Variants in ZNF385D observed in about 807,000 individuals in gnomAD.
The protein encoded by ZNF385D is zinc finger protein 659.
In ZNF385D, 15 loss-of-function variants were observed where a neutral mutation model predicts 35.8. The observed-to-expected ratio is 0.42, with a 90% CI of 0.28 to 0.64. The LOEUF (loss-of-function observed/expected upper bound fraction) is 0.64, where lower values mean the gene tolerates loss of function less well. Among genes scored for constraint, ZNF385D ranks in the 30% least tolerant of loss-of-function variants. The pLI is 0.23. For synonymous variants in ZNF385D, 212 were observed against 186.8 expected, an observed-to-expected ratio of 1.13 and a Z score of -1.10; for missense variants, 474 against 494.6, an observed-to-expected ratio of 0.96 and a Z score of 0.39.
chr3:21,836,368 G>C (rs1247333713), intron 3 of ZNF385D, among the ~76,000 whole-genome samples: 1 of 152,018 alleles, frequency 6.6e-6, no homozygotes, highest in Non-Finnish European at 1.5e-5. Flanking sequence ...AGCAAACTTA[G>C]GACATAGATA....
At chr3:22,316,174 T>G (rs76612791) in intron 2 of ZNF385D, among the ~76,000 whole-genome samples, 3,568 of 152,318 alleles carry the variant, frequency 0.023, 132 homozygotes, top group African/African-American at 0.081. Flanking sequence ...CACACTCCTG[T>G]GATTTCATCC....
intron 2 of ZNF385D, among the ~76,000 whole-genome samples, chr3:21,582,929 C>T (rs866377217): frequency 6.6e-6 from 1 of 152,040 alleles, no homozygotes; most frequent in East Asian, 1.9e-4. Context: ...AGGCACACAC[C>T]ACCACGCCCA....
At chr3:22,232,052 G>T (rs1248291958) in intron 2 of ZNF385D, among the ~76,000 whole-genome samples, 1 of 152,092 alleles carries the variant, frequency 6.6e-6, no homozygotes, top group Admixed American at 6.6e-5. Flanking sequence ...CTGCACAACT[G>T]TGAGCCAATT....
At chr3:22,045,325 T>C (rs1208112861) in intron 3 of ZNF385D, among the ~76,000 whole-genome samples, 1 of 152,008 alleles carries the variant, frequency 6.6e-6, no homozygotes, top group Non-Finnish European at 1.5e-5. Flanking sequence ...ATATAATAAA[T>C]ATAACATAAT....
intron 3 of ZNF385D, among the ~76,000 whole-genome samples, chr3:22,049,166 G>C (rs934800064): frequency 6.6e-6 from 1 of 151,818 alleles, no homozygotes; most frequent in African/African-American, 2.4e-5. Flanking sequence ...GCATGGTGGT[G>C]GGCACCTGTA....
At chr3:21,813,037 AT>A (rs1559648016) in intron 3 of ZNF385D, among the ~76,000 whole-genome samples, 1 of 152,184 alleles carries the variant, frequency 6.6e-6, no homozygotes, top group Non-Finnish European at 1.5e-5. Flanking sequence ...CTGTTCTGCA[AT>A]ATTTGCTGTT....
chr3:22,036,579 A>G (rs1323123631), intron 3 of ZNF385D, among the ~76,000 whole-genome samples: 1 of 152,162 alleles, frequency 6.6e-6, no homozygotes, highest in Non-Finnish European at 1.5e-5. Context: ...GGAAAAAAAC[A>G]AATTATTTCA....
intron 3 of ZNF385D, among the ~76,000 whole-genome samples, chr3:21,773,234 A>G (rs1023620890): frequency 6.6e-6 from 1 of 151,780 alleles, no homozygotes; most frequent in Admixed American, 6.6e-5. Context: ...AACACAACAA[A>G]AATAAAATTG....
intron 2 of ZNF385D, among the ~76,000 whole-genome samples, chr3:22,294,934 T>A (rs1702488889): frequency 1.3e-5 from 2 of 152,220 alleles, no homozygotes; most frequent in Non-Finnish European, 2.9e-5. Flanking sequence ...TAGATATCTA[T>A]TTTCCATTAC....
chr3:22,195,847 A>T (rs976043120), intron 2 of ZNF385D, among the ~76,000 whole-genome samples: 7 of 152,078 alleles, frequency 4.6e-5, no homozygotes, highest in Non-Finnish European at 1.0e-4. Flanking sequence ...CAGCCATAAA[A>T]AAGAACAAGA....
At chr3:21,940,597 C>G (rs768207481) in intron 3 of ZNF385D, among the ~76,000 whole-genome samples, 2 of 152,210 alleles carry the variant, frequency 1.3e-5, no homozygotes, top group East Asian at 3.9e-4. Flanking sequence ...AGTCTATATG[C>G]TATCAAGGAA....
chr3:22,342,276 C>CAAAAA (rs766689054), intron 2 of ZNF385D, among the ~76,000 whole-genome samples: 47 of 53,484 alleles, frequency 8.8e-4, no homozygotes, highest in South Asian at 3.3e-3. Context: ...GACTCCGCCT[C>CAAAAA]AAAAAAAAAA....
rs1553633458 is a variant in ZNF385D, at chr3:21,663,915, A to ATT, written c.165+970_165+971insAA. Among the ~76,000 whole-genome samples, 234 of 105,888 alleles carry ATT rather than the reference A, an allele frequency of 2.2e-3. 10 individuals are homozygous for ATT. The highest frequency in any genetic ancestry group is 7.4e-3 in the African/African-American group (198 of 26,612). The allele number at this position is 105,888 out of a possible 152,430, so 69.5% of individuals were successfully genotyped here. On this transcript the variant is annotated intron_variant, in intron 2 of 7. Transcript: ENST00000281523. ...AATATATATATATATATATATATATATATTTATTTATTTAAATCCATCATG... is the reference window on the plus strand; with the variant it reads ...AATATATATATATATATATATATATATTTATTTATTTATTTAAATCCATCATG...
At chr3:21,949,801 G>T (rs745357610) in intron 3 of ZNF385D, among the ~76,000 whole-genome samples, 2 of 152,016 alleles carry the variant, frequency 1.3e-5, no homozygotes, top group Non-Finnish European at 2.9e-5. Context: ...GTGAGAACAG[G>T]CAGTATTTGG....
chr3:21,469,975 T>C (rs1162870114), intron 4 of ZNF385D, among the ~76,000 whole-genome samples: 1 of 152,174 alleles, frequency 6.6e-6, no homozygotes, highest in Non-Finnish European at 1.5e-5. Context: ...ATATATCTAC[T>C]AATGGAACGT....
At chr3:21,498,316 A>G (rs1194360926) in intron 4 of ZNF385D, among the ~76,000 whole-genome samples, 2 of 152,172 alleles carry the variant, frequency 1.3e-5, no homozygotes, top group South Asian at 2.1e-4. Flanking sequence ...TCTGACAAAG[A>G]TTTCATGACA....
intron 3 of ZNF385D, among the ~76,000 whole-genome samples, chr3:22,148,245 C>A (rs915646198): frequency 6.6e-6 from 1 of 152,046 alleles, no homozygotes; most frequent in African/African-American, 2.4e-5. Flanking sequence ...ACCAATTTGC[C>A]AGACCTAAAA....
chr3:22,128,922 T>C (rs1244972812), intron 3 of ZNF385D, among the ~76,000 whole-genome samples: 1 of 152,176 alleles, frequency 6.6e-6, no homozygotes, highest in Admixed American at 6.6e-5. Flanking sequence ...AGGTATTTAT[T>C]CTAATATTTG....
Position 21,770,930 on chromosome 3 carries a change from T to C in ZNF385D, c.326-105902A>G, listed in dbSNP as rs375216445. ...AGCCATAAAAAAGGATGAGTTCATGTCCTTTGTAGGGACATGGATGAAGCT... is the reference window on the plus strand; with the variant it reads ...AGCCATAAAAAAGGATGAGTTCATGCCCTTTGTAGGGACATGGATGAAGCT... On this transcript the variant is annotated intron_variant, in intron 3 of 5. Coordinates refer to the ZNF385D transcript ENST00000494108. 4.4e-4 allele frequency among the ~76,000 whole-genome samples: 67 copies of C among 152,206 alleles called. No individual in the cohort carries two copies. The South Asian group carries it at 0.014, about 31-fold the overall frequency.
Sources: allele counts gnomAD v4.1 joint callset (sites outside exome capture counted in the v4.1 genomes callset), GRCh38; gene constraint gnomAD v4.1.1; transcripts MANE v1.5; gene names NCBI Gene and HGNC (gene_info 2026-07-23, HGNC 2026-07-21).